The following ATRN variants were observed in gnomAD, a reference collection of about 807,000 sequenced individuals.
The protein encoded by ATRN is attractin, also known as attractin-2.
ATRN carries 54 observed loss-of-function variants against 178.7 expected under a neutral mutation model. The ratio of observed to expected loss-of-function variants is 0.30; its 90% CI spans 0.24 to 0.38. The LOEUF (loss-of-function observed/expected upper bound fraction) is 0.38. Ranked by LOEUF, ATRN falls within the 10% of genes least tolerant of loss-of-function variation. ATRN has a pLI of 1.00. For missense variants in ATRN, 1,443 were observed against 1,815.1 expected, an observed-to-expected ratio of 0.79 and a Z score of 3.73; for synonymous variants, 636 against 663.0, an observed-to-expected ratio of 0.96 and a Z score of 0.63.
Position 3,540,207 on chromosome 20 carries a change from T to G in ATRN, c.495-15T>G, listed in dbSNP as rs777047312. On this transcript the variant is annotated splice_polypyrimidine_tract_variant and intron_variant, in intron 2 of 28. Coordinates refer to ENST00000262919, the MANE Select transcript of ATRN (RefSeq NM_139321.3). ...TGATAACTTTATTATAAATTACTTT[T>G]TTTATTCTTTTCAGGCCAAATAGAA... 6.9e-7 allele frequency: 1 copy of G among 1,459,092 alleles called. No homozygotes were observed. The highest frequency in any genetic ancestry group is 9.4e-7 in the Non-Finnish European group (1 of 1,063,364). 90.4% of individuals were successfully genotyped at this position (1,459,092 alleles called of 1,614,324 possible).
At chr20:3,577,134 G>C in intron 14 of ATRN, 137 bp downstream of exon 14, 2 of 1,095,262 alleles carry the variant, frequency 1.8e-6, no homozygotes, top group Admixed American at 2.9e-5. Context: ...CGAGTATTAT[G>C]GGCTTTTTTG....
chr20:3,544,291 C>T (rs1331410853), intron 3 of ATRN, among the ~76,000 whole-genome samples: 1 of 152,182 alleles, frequency 6.6e-6, no homozygotes, highest in East Asian at 1.9e-4. Flanking sequence ...AGTCAGATTT[C>T]TGGGCATGAG....
At chr20:3,530,612 C>G (rs1600079779) in intron 1 of ATRN, among the ~76,000 whole-genome samples, 1 of 151,706 alleles carries the variant, frequency 6.6e-6, no homozygotes, top group East Asian at 1.9e-4. Flanking sequence ...AGAATTAGGT[C>G]TAGTAGATGA....
At chr20:3,592,952 A>G (rs1057201714) in intron 19 of ATRN, among the ~76,000 whole-genome samples, 1 of 152,206 alleles carries the variant, frequency 6.6e-6, no homozygotes, top group Admixed American at 6.5e-5. Flanking sequence ...CTCTTTGTGA[A>G]TAGACTTAAT....
intron 2 of ATRN, among the ~76,000 whole-genome samples, chr20:3,537,852 T>C (rs907741074): frequency 2.0e-5 from 3 of 151,810 alleles, no homozygotes; most frequent in Non-Finnish European, 4.4e-5. Context: ...CATCCTTTTT[T>C]ATGGCTGCAT....
In ATRN at chr20:3,584,768, A is replaced by G. The variant is rs199801071; in HGVS notation, c.3072A>G (p.Pro1024=). ...GCATAGAGGGTTCCTATAAAGGACC[A>G]GTGAAGATGCCTTCGCAAGCCCCTA... The part of the protein sequence containing the change: ...GKCIEGSYKG[P]VKMPSQAPTG... Residue 1024 remains proline (P), a synonymous_variant, in exon 18 of 29, where the codon CCA becomes CCG. Coordinates refer to ENST00000262919, the MANE Select transcript of ATRN (RefSeq NM_139321.3). 8 of 1,614,202 alleles carry G rather than the reference A, an allele frequency of 5.0e-6. No homozygotes were observed. Among genetic ancestry groups the G allele is most frequent in the Non-Finnish European group, 6.8e-6 (8 of 1,180,018 alleles).
Position 3,562,479 on chromosome 20 carries a change from C to T in ATRN, c.1631+20C>T, listed in dbSNP as rs762873703. 6.2e-7 allele frequency: 1 copy of T among 1,611,474 alleles called. No homozygotes were observed. The highest frequency in any genetic ancestry group is 1.1e-5 in the South Asian group (1 of 90,678). On this transcript the variant is annotated intron_variant, in intron 9 of 28. Transcript: ENST00000262919. ...GATGTGGTGGGTACTTTTTCTTGAG[C>T]TTTCACTTTAAGGTGTAAATTCTGT...
intron 25 of ATRN, among the ~76,000 whole-genome samples, chr20:3,626,425 A>G (rs767947042): frequency 1.3e-5 from 2 of 152,196 alleles, no homozygotes; most frequent in African/African-American, 2.4e-5. Context: ...TAAGTGTAAT[A>G]TAAAGTTACA....
At position 3,598,010 on chromosome 20, in the gene ATRN, T is replaced by G. The variant is rs1568754940; in HGVS notation, c.3564+10T>G. 1 of 1,552,292 alleles carries G rather than the reference T, an allele frequency of 6.4e-7. No homozygotes were observed. The highest frequency in any genetic ancestry group is 2.2e-5 in the East Asian group (1 of 44,562). On this transcript the variant is annotated intron_variant, in intron 22 of 28. Transcript: ENST00000262919. Reference sequence around the variant, plus strand: ...GGCTACTCCTGACGAAGTAAGATTTTTTAAAGTCTTCCTATTTTGTTTTGA... The same window carrying G: ...GGCTACTCCTGACGAAGTAAGATTTGTTAAAGTCTTCCTATTTTGTTTTGA...
chr20:3,487,337 A>G (rs769453718), intron 1 of ATRN, among the ~76,000 whole-genome samples: 5 of 152,164 alleles, frequency 3.3e-5, no homozygotes, highest in Admixed American at 1.3e-4. Context: ...AGGTTTAAGC[A>G]GTTCTCTACC....
At chr20:3,537,511 T>G (rs1169983784) in intron 2 of ATRN, among the ~76,000 whole-genome samples, 1 of 138,314 alleles carries the variant, frequency 7.2e-6, no homozygotes, top group East Asian at 1.9e-4. Context: ...TACATTTTTT[T>G]ATTTTATTTT....
chr20:3,562,483 C>T (rs1233906108), intron 9 of ATRN, 24 bp downstream of exon 9: 2 of 1,609,984 alleles, frequency 1.2e-6, no homozygotes, highest in Non-Finnish European at 1.7e-6. Flanking sequence ...CTTGAGCTTT[C>T]ACTTTAAGGT....
At chr20:3,594,880 G>C (rs934065657) in intron 20 of ATRN, among the ~76,000 whole-genome samples, 4 of 152,098 alleles carry the variant, frequency 2.6e-5, no homozygotes, top group African/African-American at 9.7e-5. Flanking sequence ...CTTGATTTTT[G>C]TCATGTCAAG....
chr20:3,644,994 G>A (rs1035784040), intron 28 of ATRN, among the ~76,000 whole-genome samples: 2 of 152,144 alleles, frequency 1.3e-5, no homozygotes, highest in African/African-American at 4.8e-5. Flanking sequence ...CAATGCATGT[G>A]ACACTTCTCC....
Position 3,572,777 on chromosome 20 carries a change from A to C in ATRN, c.1918A>C (p.Ile640Leu), listed in dbSNP as rs150538179. 6.2e-7 allele frequency: 1 copy of C among 1,614,018 alleles called. No individual in the cohort carries two copies. Among genetic ancestry groups the C allele is most frequent in the Non-Finnish European group, 8.5e-7 (1 of 1,180,030 alleles). Residue 640 changes from isoleucine to leucine, a missense_variant, in exon 12 of 29, where the codon ATC becomes CTC. Transcript: ENST00000262919. ...TTTCAATAGTCTCCTCCTCAGCGAC[A>C]TCCTGGTATTCACCTCGGAACAGTG... ...GGFNSLLLSD[I>L]LVFTSEQCDA...
intron 1 of ATRN, among the ~76,000 whole-genome samples, chr20:3,508,285 G>T (rs989662454): frequency 2.0e-5 from 3 of 151,442 alleles, no homozygotes; most frequent in Non-Finnish European, 4.4e-5. Context: ...TGGAATGACA[G>T]TTTTAAAGTG....
chr20:3,484,703 A>T (rs1026253837), intron 1 of ATRN, among the ~76,000 whole-genome samples: 1 of 152,090 alleles, frequency 6.6e-6, no homozygotes, highest in Non-Finnish European at 1.5e-5. Context: ...GAAATCTGTC[A>T]TCTTTATTAT....
chr20:3,503,915 A>G (rs900423077), intron 1 of ATRN, among the ~76,000 whole-genome samples: 4 of 152,220 alleles, frequency 2.6e-5, no homozygotes, highest in African/African-American at 9.7e-5. Context: ...CATTATAATT[A>G]AACTCTTGAA....
At chr20:3,544,720 A>G (rs1051513741) in intron 3 of ATRN, among the ~76,000 whole-genome samples, 3 of 152,112 alleles carry the variant, frequency 2.0e-5, no homozygotes, top group Non-Finnish European at 2.9e-5. Context: ...TGGACCCTTC[A>G]TTCTGTATTG....
Sources: allele counts gnomAD v4.1 joint callset (sites outside exome capture counted in the v4.1 genomes callset), GRCh38; gene constraint gnomAD v4.1.1; transcripts MANE v1.5; gene names NCBI Gene and HGNC (gene_info 2026-07-23, HGNC 2026-07-21).